Variants in ACOX3 observed in about 807,000 individuals in gnomAD.
ACOX3 encodes the protein acyl-CoA oxidase 3, pristanoyl, also known as peroxisomal acyl-coenzyme A oxidase 3.
Under a neutral mutation model 81.5 loss-of-function variants are expected in ACOX3, and 73 were observed. That is an observed-to-expected ratio of 0.90 (90% confidence interval 0.74 to 1.09). ACOX3 has a LOEUF of 1.09. ACOX3 is among the 50% of genes least tolerant of loss of function. The pLI is 0.00. For synonymous variants in ACOX3, 387 were observed against 375.1 expected (o/e 1.03, Z -0.37); for missense variants, 947 against 928.0 (o/e 1.02, Z -0.27).
rs749370407 is a variant in ACOX3, at chr4:8,405,832, C to A, written c.776+123G>T. 2.2e-5 allele frequency: 22 copies of A among 1,000,904 alleles called. No individual in the cohort carries two copies. In the South Asian group the frequency reaches 2.7e-4, roughly 12 times the overall value. 62.0% of individuals were successfully genotyped at this position (1,000,904 alleles called of 1,614,324 possible). ...CACGGGGGCTAGGCGTAGGTCCCCA[C>A]CGCATTTGAGTCTAAGAGGGCAGGG... On this transcript the variant is annotated intron_variant, in intron 7 of 17. Coordinates refer to ENST00000356406, the MANE Select transcript of ACOX3 (RefSeq NM_003501.3). This position sits in a 1 kb window ranked among gnomAD's most constrained non-coding sequence, Gnocchi z 7.1.
In ACOX3 at chr4:8,417,661, T is replaced by A. The variant is rs146854900; in HGVS notation, c.-14-1126A>T. ...AGAAACACAAAGTAAACTTAAATTA[T>A]TTCCTTCCTTCTTAAAGCAGAAGGA... On this transcript the variant is annotated intron_variant, in intron 1 of 17. Transcript: ENST00000356406. Among the ~76,000 whole-genome samples, 593 of 152,314 alleles carry A rather than the reference T, an allele frequency of 3.9e-3. 4 individuals carry two copies. The highest frequency in any genetic ancestry group is 0.014 in the African/African-American group (577 of 41,568).
At chr4:8,408,891 T>TGGGGGGGGGGGGGGGGGGGGGG (rs200811549) in intron 6 of ACOX3, among the ~76,000 whole-genome samples, 4 of 25,790 alleles carry the variant, frequency 1.6e-4, no homozygotes, top group Non-Finnish European at 1.9e-4. Flanking sequence ...GAGCCCTCAC[T>TGGGGGGGGGGGGGGGGGGGGGG]GGGGGGGGGG....
Position 8,414,955 on chromosome 4 carries a change from C to T in ACOX3, c.379-27G>A. ...TGAAAGTATAACATCGTCCTATCAACAGGGGGCAGGTAAGAAGAGTACTGC... is the reference window on the plus strand; with the variant it reads ...TGAAAGTATAACATCGTCCTATCAATAGGGGGCAGGTAAGAAGAGTACTGC... On this transcript the variant is annotated intron_variant, in intron 3 of 17. Transcript: ENST00000356406. The surrounding 1 kb of genome is among the most constrained non-coding windows in gnomAD (Gnocchi z 6.1). The T allele has an allele frequency of 6.2e-7, 1 of 1,608,290 alleles. No individual in the cohort carries two copies.
In ACOX3 at chr4:8,437,589, A is replaced by C. The variant is rs2109056558; in HGVS notation, c.-15+3059T>G. Among the ~76,000 whole-genome samples, 1 of 152,386 alleles carries C rather than the reference A, an allele frequency of 6.6e-6. No homozygotes were observed. Among genetic ancestry groups the C allele is most frequent in the Non-Finnish European group, 1.5e-5 (1 of 68,042 alleles). ...GGCCAATCTGTTAGCAACAGCTCTTATAAAAAGAGAGATTAGCAATGCGAG... is the reference window on the plus strand; with the variant it reads ...GGCCAATCTGTTAGCAACAGCTCTTCTAAAAAGAGAGATTAGCAATGCGAG... On this transcript the variant is annotated intron_variant, in intron 1 of 17. Transcript: ENST00000356406. This position sits in a 1 kb window ranked among gnomAD's most constrained non-coding sequence, Gnocchi z 5.2.
chr4:8,375,994 C>T (rs1369623801), intron 14 of ACOX3, among the ~76,000 whole-genome samples: 1 of 152,114 alleles, frequency 6.6e-6, no homozygotes, highest in Non-Finnish European at 1.5e-5. Flanking sequence ...ATGTATCTGG[C>T]TGGCAGGATG....
At position 8,375,027 on chromosome 4, in the gene ACOX3, A is replaced by G; in HGVS notation, c.1779T>C (p.Ala593=). Residue 593 remains alanine, a synonymous_variant, in exon 15 of 18, where the codon GCT becomes GCC. Coordinates refer to ENST00000356406, the MANE Select transcript of ACOX3 (RefSeq NM_003501.3). ...SLRAVLGRLS[A]LYALWSLSRH... is the part of the protein sequence containing the mutation. ...GGCTCAGGGACCACAGGGCGTACAG[A>G]GCACTGAGCCGCCCCAGCACGGCCC... is the stretch of plus-strand genomic sequence containing the variant. 1 of 1,554,852 alleles carries G rather than the reference A, an allele frequency of 6.4e-7. No homozygotes were observed. The highest frequency in any genetic ancestry group is 8.7e-7 in the Non-Finnish European group (1 of 1,148,892).
chr4:8,391,344 C>T lies in ACOX3; in HGVS notation c.1300+989G>A, dbSNP rs73209482. On this transcript the variant is annotated intron_variant, in intron 11 of 17. Coordinates refer to ENST00000356406, the MANE Select transcript of ACOX3 (RefSeq NM_003501.3). ...TGCGAGTTAGAACTGCAGTGGTGGG[C>T]GGATGATCGCTGAAAGTGTGTGTGT... 9.3e-3 allele frequency among the ~76,000 whole-genome samples: 1,410 copies of T among 152,244 alleles called. 7 individuals are homozygous for T. Among genetic ancestry groups the T allele is most frequent in the South Asian group, 0.034 (164 of 4,822 alleles).
At chr4:8,378,917 G>T (rs1265429236) in intron 14 of ACOX3, among the ~76,000 whole-genome samples, 1 of 152,182 alleles carries the variant, frequency 6.6e-6, no homozygotes, top group African/African-American at 2.4e-5. Flanking sequence ...CATGAACGGT[G>T]CTGCTGCCCA....
rs147112107 is a variant in ACOX3 at position 8,426,331 on chromosome 4, AG to A, written c.-14-9797del. 1.4e-4 allele frequency among the ~76,000 whole-genome samples: 22 copies of A among 152,188 alleles called. No individual in the cohort carries two copies. The East Asian group carries it at 4.3e-3, about 29-fold the overall frequency. ...CAGTCATTTTATCTACCCTGAGTGCAGTTAAAGTGTCTGGAGTGGAGTCTTA... is the reference window on the plus strand; with the variant it reads ...CAGTCATTTTATCTACCCTGAGTGCATTAAAGTGTCTGGAGTGGAGTCTTA... On this transcript the variant is annotated intron_variant, in intron 1 of 17. Transcript: ENST00000356406.
At chr4:8,377,549 T>C (rs3775902) in intron 14 of ACOX3, among the ~76,000 whole-genome samples, 19,399 of 152,168 alleles carry the variant, frequency 0.13, 2,189 homozygotes, top group African/African-American at 0.3. Flanking sequence ...TCAGGGCGGC[T>C]CTCTCACAGG....
intron 13 of ACOX3, among the ~76,000 whole-genome samples, chr4:8,383,343 T>C (rs77706849): frequency 6.6e-6 from 1 of 152,216 alleles, no homozygotes; most frequent in African/African-American, 2.4e-5. Flanking sequence ...CCCACAGCTG[T>C]GAATGTGACC....
chr4:8,400,084 T>TAAAAATAC lies in ACOX3; in HGVS notation c.777-440_777-433dup, dbSNP rs1720204898. Among the ~76,000 whole-genome samples, 1 of 151,886 alleles carries TAAAAATAC rather than the reference T, an allele frequency of 6.6e-6. No homozygotes were observed. The highest frequency in any genetic ancestry group is 1.5e-5 in the Non-Finnish European group (1 of 67,978). ...CAATATGGTGAAACCCCGTCTCTAC[T>TAAAAATAC]AAAAATACAAAAAAAAATTAGCCAG... On this transcript the variant is annotated intron_variant, in intron 7 of 17. Transcript: ENST00000356406. This position sits in a 1 kb window ranked among gnomAD's most constrained non-coding sequence, Gnocchi z 4.4.
chr4:8,410,409 A>T, intron 5 of ACOX3, 54 bp from the exon 6 acceptor site: 1 of 1,594,402 alleles, frequency 6.3e-7, no homozygotes, highest in Admixed American at 1.7e-5. Context: ...GCACATGCAG[A>T]ATTGGTGTTT....
At chr4:8,391,513 TATTTAAG>T (rs1718998119) in intron 11 of ACOX3, among the ~76,000 whole-genome samples, 2 of 152,222 alleles carry the variant, frequency 1.3e-5, no homozygotes, top group African/African-American at 4.8e-5. Context: ...GCCAGTTAAT[TATTTAAG>T]ATTAGCACAC....
rs1722712958 is a variant in ACOX3 at position 8,419,552 on chromosome 4, T to G, written c.-14-3017A>C. Among the ~76,000 whole-genome samples, 1 of 152,232 alleles carries G rather than the reference T, an allele frequency of 6.6e-6. No individual in the cohort carries two copies. Among genetic ancestry groups the G allele is most frequent in the African/African-American group, 2.4e-5 (1 of 41,460 alleles). ...AAAATGTAAAGTGACCCAGCCATTCTGGAGAACAGTGTGGCAGTTCCACAA... is the reference window on the plus strand; with the variant it reads ...AAAATGTAAAGTGACCCAGCCATTCGGGAGAACAGTGTGGCAGTTCCACAA... On this transcript the variant is annotated intron_variant, in intron 1 of 17. Coordinates refer to ENST00000356406, the MANE Select transcript of ACOX3 (RefSeq NM_003501.3). The surrounding 1 kb of genome is among the most constrained non-coding windows in gnomAD (Gnocchi z 4.2).
intron 5 of ACOX3, among the ~76,000 whole-genome samples, chr4:8,412,381 A>G (rs1721822450): frequency 6.6e-6 from 1 of 152,170 alleles, no homozygotes; most frequent in African/African-American, 2.4e-5. Flanking sequence ...CAGTCCACAC[A>G]GCCCAGGCTG....
rs999859770 is a variant in ACOX3 at position 8,382,225 on chromosome 4, C to T, written c.1538-618G>A. ...GCAGATGTTGCAGACAGGGAGGCCC[C>T]GGGGTGGGGTGTCAGGCAGGACAGC... is the stretch of plus-strand genomic sequence containing the variant. On this transcript the variant is annotated intron_variant, in intron 13 of 17. Coordinates refer to ENST00000356406, the MANE Select transcript of ACOX3 (RefSeq NM_003501.3). The surrounding 1 kb of genome is among the most constrained non-coding windows in gnomAD (Gnocchi z 4.1). Among the ~76,000 whole-genome samples, 1 of 152,180 alleles carries T rather than the reference C, an allele frequency of 6.6e-6. No homozygotes were observed. The highest frequency in any genetic ancestry group is 1.5e-5 in the Non-Finnish European group (1 of 68,020).
intron 1 of ACOX3, among the ~76,000 whole-genome samples, chr4:8,428,979 GC>G (rs1432595651): frequency 2.0e-5 from 3 of 152,130 alleles, no homozygotes; most frequent in African/African-American, 7.2e-5. Context: ...GTGGAAGTGG[GC>G]CCTCATTGAC....
chr4:8,396,768 T>A (rs1157159357), intron 9 of ACOX3, among the ~76,000 whole-genome samples, 169 bp downstream of exon 9: 1 of 152,190 alleles, frequency 6.6e-6, no homozygotes, highest in Non-Finnish European at 1.5e-5. Context: ...TAAAAACCAT[T>A]TGCTGGAAGC....
Sources: gnomAD v4.1 joint callset for allele counts (sites outside exome capture counted in the v4.1 genomes callset) on GRCh38, gnomAD v4.1.1 for gene constraint, Gnocchi (gnomAD v3.1) non-coding constraint, MANE v1.5 for transcripts, NCBI Gene and HGNC (gene_info 2026-07-23, HGNC 2026-07-21) for gene names.